The following GABRB1 variants were observed in gnomAD, a reference collection of about 807,000 sequenced individuals.
GABRB1 encodes the protein gamma-aminobutyric acid type A receptor subunit beta1.
In GABRB1, 17 loss-of-function variants were observed where a neutral mutation model predicts 51.6. The observed-to-expected ratio is 0.33, with a 90% CI of 0.23 to 0.49. The LOEUF (loss-of-function observed/expected upper bound fraction) is 0.49. Among genes scored for constraint, GABRB1 ranks in the 20% least tolerant of loss-of-function variants. The pLI is 0.99. For synonymous variants in GABRB1, 247 were observed against 218.9 expected (o/e 1.13, Z -1.14); for missense variants, 410 against 600.6 (o/e 0.68, Z 3.32).
intron 1 of GABRB1, among the ~76,000 whole-genome samples, chr4:47,025,502 A>AT (rs959574541): frequency 4.0e-5 from 6 of 151,604 alleles, no homozygotes; most frequent in African/African-American, 1.5e-4. Context: ...ATAAACTTGA[A>AT]TTTTTTTTCC....
intron 4 of GABRB1, among the ~76,000 whole-genome samples, chr4:47,193,872 CA>C: frequency 6.6e-6 from 1 of 152,188 alleles, no homozygotes; most frequent in East Asian, 1.9e-4. Context: ...TAAGATTATG[CA>C]AAATGTGTTT....
chr4:47,149,898 G>A (rs1345896190), intron 3 of GABRB1, among the ~76,000 whole-genome samples: 1 of 151,806 alleles, frequency 6.6e-6, no homozygotes, highest in Non-Finnish European at 1.5e-5. Context: ...CTCAGTCAAA[G>A]ACCAACAGAA....
At chr4:47,046,992 G>C (rs971059685) in intron 3 of GABRB1, among the ~76,000 whole-genome samples, 1 of 152,088 alleles carries the variant, frequency 6.6e-6, no homozygotes, top group Admixed American at 6.6e-5. Flanking sequence ...GCCTATCAGA[G>C]GCTGGAGGGT....
chr4:47,153,576 G>A (rs561111628), intron 3 of GABRB1, among the ~76,000 whole-genome samples: 1 of 152,132 alleles, frequency 6.6e-6, no homozygotes, highest in African/African-American at 2.4e-5. Context: ...CAGGCTCAGA[G>A]TTTCATATAC....
At chr4:47,283,356 C>CCT in intron 4 of GABRB1, among the ~76,000 whole-genome samples, 1 of 77,298 alleles carries the variant, frequency 1.3e-5, no homozygotes, top group South Asian at 4.5e-4. Context: ...CTGGTGGCCC[C>CCT]TTTTTTTTTT....
chr4:47,263,112 G>A (rs1205189715), intron 4 of GABRB1, among the ~76,000 whole-genome samples: 1 of 151,370 alleles, frequency 6.6e-6, no homozygotes. Context: ...GTTAATGGGT[G>A]CAGCACACTA....
intron 4 of GABRB1, among the ~76,000 whole-genome samples, chr4:47,227,352 T>C (rs1720980047): frequency 6.6e-6 from 1 of 152,206 alleles, no homozygotes; most frequent in South Asian, 2.1e-4. Context: ...TAAATGTTTA[T>C]TCTGTTTCAT....
At chr4:47,137,120 T>A (rs1253478791) in intron 3 of GABRB1, among the ~76,000 whole-genome samples, 2 of 152,022 alleles carry the variant, frequency 1.3e-5, no homozygotes, top group African/African-American at 4.8e-5. Context: ...GCTTAAAGAC[T>A]CAAATATTGA....
chr4:47,252,654 C>T (rs1253886696), intron 4 of GABRB1, among the ~76,000 whole-genome samples: 2 of 151,610 alleles, frequency 1.3e-5, no homozygotes, highest in Non-Finnish European at 2.9e-5. Context: ...GTTACAGGCA[C>T]CCACCACCAT....
chr4:47,173,999 C>A (rs1194366699), intron 4 of GABRB1, among the ~76,000 whole-genome samples: 1 of 152,050 alleles, frequency 6.6e-6, no homozygotes, highest in Non-Finnish European at 1.5e-5. Context: ...TCCTTAATTA[C>A]TAATCAGAAT....
In GABRB1 at chr4:47,349,024, G is replaced by A. The variant is rs73133997; in HGVS notation, c.544+28815G>A. ...TTTGCTTGAATTAATGGATAAACAC[G>A]GATGCCATCTACCAAAAAGGAGAAT... On this transcript the variant is annotated intron_variant, in intron 5 of 8. Transcript: ENST00000295454. Among the ~76,000 whole-genome samples, 1,215 of 152,146 alleles carry A rather than the reference G, an allele frequency of 8.0e-3. 22 individuals are homozygous for A. The highest frequency in any genetic ancestry group is 0.028 in the African/African-American group (1,148 of 41,500).
chr4:47,192,830 C>T (rs1719494989), intron 4 of GABRB1, among the ~76,000 whole-genome samples: 1 of 152,152 alleles, frequency 6.6e-6, no homozygotes, highest in Non-Finnish European at 1.5e-5. Context: ...AGTTCTAAGG[C>T]ACTTTTTAAA....
intron 4 of GABRB1, among the ~76,000 whole-genome samples, chr4:47,313,530 T>G (rs1332418127): frequency 1.3e-5 from 2 of 152,102 alleles, no homozygotes; most frequent in East Asian, 3.9e-4. Context: ...TTAGAGATAC[T>G]CATTGTTGCT....
intron 3 of GABRB1, among the ~76,000 whole-genome samples, chr4:47,116,691 C>A (rs543588361): frequency 2.8e-4 from 43 of 152,208 alleles, no homozygotes; most frequent in Admixed American, 5.9e-4. Flanking sequence ...GTTGTAATTA[C>A]AATATCTAGT....
chr4:47,198,377 A>G (rs1719774760), intron 4 of GABRB1, among the ~76,000 whole-genome samples: 1 of 152,216 alleles, frequency 6.6e-6, no homozygotes, highest in South Asian at 2.1e-4. Context: ...AATAAAGGGT[A>G]GAATAATTTT....
At chr4:47,282,206 T>G (rs112878623) in intron 4 of GABRB1, among the ~76,000 whole-genome samples, 31 of 152,354 alleles carry the variant, frequency 2.0e-4, no homozygotes, top group African/African-American at 6.0e-4. Flanking sequence ...TAATCATACT[T>G]CACTATTCCA....
At chr4:47,308,809 CTA>C (rs1310577207) in intron 4 of GABRB1, among the ~76,000 whole-genome samples, 2 of 152,028 alleles carry the variant, frequency 1.3e-5, no homozygotes, top group Non-Finnish European at 2.9e-5. Flanking sequence ...TCTTTGGCTT[CTA>C]TGTTTATTTC....
chr4:47,175,445 T>G (rs546956744), intron 4 of GABRB1, among the ~76,000 whole-genome samples: 1 of 152,192 alleles, frequency 6.6e-6, no homozygotes, highest in South Asian at 2.1e-4. Flanking sequence ...AAATGGTAAG[T>G]GGTTATTTAC....
intron 1 of GABRB1, among the ~76,000 whole-genome samples, chr4:47,026,333 A>G (rs779368427): frequency 5.1e-4 from 78 of 152,106 alleles, no homozygotes; most frequent in Middle Eastern, 6.8e-3. Flanking sequence ...GTTCAGCTGG[A>G]AAGTGTTCAC....
Sources: gnomAD v4.1 joint callset for allele counts (sites outside exome capture counted in the v4.1 genomes callset) on GRCh38, gnomAD v4.1.1 for gene constraint, MANE v1.5 for transcripts, NCBI Gene and HGNC (gene_info 2026-07-23, HGNC 2026-07-21) for gene names.